RSPH9: variants seen among roughly 807,000 people sequenced by gnomAD.
The protein encoded by RSPH9 is radial spoke head protein 9 homolog.
In RSPH9, 27 loss-of-function variants were observed where a neutral mutation model predicts 27.0. That is an observed-to-expected ratio of 1.00 (90% CI 0.74 to 1.38). The LOEUF (loss-of-function observed/expected upper bound fraction) is 1.38. Ranked by LOEUF, RSPH9 falls within the 40% of genes most tolerant of loss-of-function variation. RSPH9 has a pLI of 0.00. For synonymous variants in RSPH9, 145 were observed against 147.7 expected, an observed-to-expected ratio of 0.98 and a Z score of 0.13; for missense variants, 347 against 357.4, an observed-to-expected ratio of 0.97 and a Z score of 0.24.
At position 43,672,047 on chromosome 6, in the gene RSPH9, G is replaced by T; in HGVS notation, c.*1098G>T. 9.7e-7 allele frequency: 1 copy of T among 1,029,660 alleles called. No individual in the cohort carries two copies. The highest frequency in any genetic ancestry group is 1.4e-6 in the Non-Finnish European group (1 of 726,682). The allele number at this position is 1,029,660 out of a possible 1,614,324, so 63.8% of individuals were successfully genotyped here. On this transcript the variant is annotated 3_prime_UTR_variant, in exon 5 of 5. Transcript: ENST00000372163. The stretch of plus-strand genomic sequence containing the variant: ...CAGTTTCCCTTTCCTGAAGTGCAGG[G>T]ATTTTCCTGGGAGTAACTGCTGAGC...
chr6:43,648,586 C>T (rs1582377418), intron 1 of RSPH9, among the ~76,000 whole-genome samples: 2 of 152,152 alleles, frequency 1.3e-5, no homozygotes, highest in East Asian at 3.8e-4. Flanking sequence ...TAAGACTTGG[C>T]TTAATTGGAA....
Position 43,655,615 on chromosome 6 carries a change from G to C in RSPH9, c.447G>C (p.Lys149Asn). The change falls in exon 3 of 5, where the codon AAG (lysine) becomes AAC (asparagine). Residue 149 changes from lysine (K) to asparagine (N), a missense_variant. Lys to Asn is a moderately conservative substitution (Grantham distance 94, BLOSUM62 0). Coordinates refer to ENST00000372163, the MANE Select transcript of RSPH9 (RefSeq NM_152732.5). The stretch of plus-strand genomic sequence containing the variant: ...TGTCTGTCATTGACCAGATTGACAA[G>C]GCTGTGGCCATCATCCCCCGAGGCG... ...RLVSVIDQID[K>N]AVAIIPRGAL... The C allele has an allele frequency of 6.2e-7, 1 of 1,614,206 alleles. No individual in the cohort carries two copies. Among genetic ancestry groups the C allele is most frequent in the Non-Finnish European group, 8.5e-7 (1 of 1,180,042 alleles).
At chr6:43,656,379 C>T (rs1772053289) in intron 3 of RSPH9, among the ~76,000 whole-genome samples, 198 bp from the exon 4 acceptor site, 1 of 152,160 alleles carries the variant, frequency 6.6e-6, no homozygotes, top group Admixed American at 6.5e-5. Context: ...AACCATCGTG[C>T]CTGGCTGGAC....
At chr6:43,659,601 C>T (rs1054891756) in intron 4 of RSPH9, among the ~76,000 whole-genome samples, 1 of 152,134 alleles carries the variant, frequency 6.6e-6, no homozygotes, top group African/African-American at 2.4e-5. Context: ...CCAGGGTGGT[C>T]TCAATCGCCT....
chr6:43,658,303 A>G (rs201748134), intron 4 of RSPH9, among the ~76,000 whole-genome samples: 24 of 141,308 alleles, frequency 1.7e-4, no homozygotes, highest in Admixed American at 7.0e-4. Context: ...AAAAAAAAAA[A>G]AAAAAAAGAA....
At chr6:43,666,728 T>C (rs1044323129) in intron 4 of RSPH9, among the ~76,000 whole-genome samples, 3 of 152,162 alleles carry the variant, frequency 2.0e-5, no homozygotes, top group Non-Finnish European at 4.4e-5. Context: ...TTCTCTGACC[T>C]TGGGCTGCAG....
At chr6:43,667,494 G>A (rs61563062) in intron 4 of RSPH9, among the ~76,000 whole-genome samples, 14,995 of 152,274 alleles carry the variant, frequency 0.098, 1,248 homozygotes, top group African/African-American at 0.23. Context: ...GGAAGGGGGC[G>A]AGTGAGGCGG....
Position 43,653,446 on chromosome 6 carries a change from CA to C in RSPH9, c.394-2097del, listed in dbSNP as rs79873267. Among the ~76,000 whole-genome samples, 585 of 75,464 alleles carry C rather than the reference CA, an allele frequency of 7.8e-3. 2 individuals carry two copies. Among genetic ancestry groups the C allele is most frequent in the Middle Eastern group, 0.018 (2 of 114 alleles). The allele number at this position is 75,464 out of a possible 152,430, so 49.5% of individuals were successfully genotyped here. A position where few individuals can be genotyped will look rare whatever the true frequency, so the allele number is the denominator to read the frequency against. On this transcript the variant is annotated intron_variant, in intron 2 of 4. Transcript: ENST00000372163. The stretch of plus-strand genomic sequence containing the variant: ...TGGGTGACAGAGCAAGACTCCGTCT[CA>C]AAAAAAAAAAAAAAAAAAGACCATA...
At chr6:43,668,837 T>A (rs1409175243) in intron 4 of RSPH9, among the ~76,000 whole-genome samples, 2 of 152,184 alleles carry the variant, frequency 1.3e-5, no homozygotes, top group Non-Finnish European at 2.9e-5. Flanking sequence ...ACTGTCTTTA[T>A]GGAGCCTGGT....
intron 4 of RSPH9, among the ~76,000 whole-genome samples, chr6:43,659,818 C>T (rs1028573996): frequency 2.0e-5 from 3 of 151,544 alleles, no homozygotes; most frequent in East Asian, 3.9e-4. Context: ...CTGCAAGCTC[C>T]GCCTCCCGGG....
chr6:43,658,291 C>CAAAAAAAAAAAAAAA (rs58592648), intron 4 of RSPH9, among the ~76,000 whole-genome samples: 13 of 24,738 alleles, frequency 5.3e-4, no homozygotes, highest in Non-Finnish European at 8.9e-4. Context: ...AACTCCGTCT[C>CAAAAAAAAAAAAAAA]AAAAAAAAAA....
chr6:43,648,513 T>C (rs115128052), intron 1 of RSPH9, among the ~76,000 whole-genome samples: 1 of 152,228 alleles, frequency 6.6e-6, no homozygotes, highest in African/African-American at 2.4e-5. Flanking sequence ...GGGAGTGTTG[T>C]AGGATACAAG....
In RSPH9 at chr6:43,650,397, C is replaced by A; in HGVS notation, c.250C>A (p.Leu84Ile). The A allele has an allele frequency of 1.2e-6, 2 of 1,613,514 alleles. No homozygotes were observed. The highest frequency in any genetic ancestry group is 2.2e-5 in the South Asian group (2 of 91,044). The change falls in exon 2 of 5, where the codon CTC becomes ATC. Residue 84 changes from leucine (L) to isoleucine (I), a missense_variant. Physicochemically the swap from Leu to Ile is conservative, Grantham distance 5. Coordinates refer to ENST00000372163, the MANE Select transcript of RSPH9 (RefSeq NM_152732.5). ...CAGCCTGAACTGCACAGAGTGGAGC[C>A]TCTTGCCCCCTGCCACAGAGGAGAT... is the stretch of plus-strand genomic sequence containing the variant. ...LYSLNCTEWS[L>I]LPPATEEMVA...
chr6:43,650,758 T>C (rs970216719), intron 2 of RSPH9, among the ~76,000 whole-genome samples: 5 of 151,796 alleles, frequency 3.3e-5, no homozygotes, highest in African/African-American at 1.2e-4. Context: ...TACAAAAAAT[T>C]AGCTGGGTGT....
chr6:43,658,967 C>G (rs527398000), intron 4 of RSPH9, among the ~76,000 whole-genome samples: 1 of 152,150 alleles, frequency 6.6e-6, no homozygotes, highest in South Asian at 2.1e-4. Context: ...GATTACAGGT[C>G]TGAGCCACCA....
chr6:43,666,071 C>T (rs1297050629), intron 4 of RSPH9, among the ~76,000 whole-genome samples: 1 of 152,156 alleles, frequency 6.6e-6, no homozygotes, highest in Non-Finnish European at 1.5e-5. Flanking sequence ...AGGGATCCAC[C>T]CACCTCAGCC....
At position 43,672,462 on chromosome 6, in the gene RSPH9, G is replaced by A. The variant is rs1161702984; in HGVS notation, c.*1513G>A. On this transcript the variant is annotated 3_prime_UTR_variant, in exon 5 of 5. Transcript: ENST00000372163. ...GAAGGTTCCTGTAAATAGGAGGGGG[G>A]TGGGGAAAGATGGCTGCCGCCCATG... 1 of 469,700 alleles carries A rather than the reference G, an allele frequency of 2.1e-6. No homozygotes were observed. Among genetic ancestry groups the A allele is most frequent in the East Asian group, 7.0e-5 (1 of 14,374 alleles). 29.1% of individuals were successfully genotyped at this position (469,700 alleles called of 1,614,324 possible).
At chr6:43,660,100 G>T (rs1772461428) in intron 4 of RSPH9, among the ~76,000 whole-genome samples, 2 of 146,702 alleles carry the variant, frequency 1.4e-5, no homozygotes, top group Admixed American at 1.4e-4. Context: ...CTGGAGTGCA[G>T]TGGTGTGATC....
At chr6:43,649,545 G>A (rs1398607753) in intron 1 of RSPH9, among the ~76,000 whole-genome samples, 1 of 152,036 alleles carries the variant, frequency 6.6e-6, no homozygotes, top group African/African-American at 2.4e-5. Flanking sequence ...GCAGAGACCA[G>A]GCTGGGGACC....
Sources: gnomAD v4.1 joint callset for allele counts (sites outside exome capture counted in the v4.1 genomes callset) on GRCh38, gnomAD v4.1.1 for gene constraint, MANE v1.5 for transcripts, NCBI Gene and HGNC (gene_info 2026-07-23, HGNC 2026-07-21) for gene names.